BPGM: variants seen among roughly 807,000 people sequenced by gnomAD.
BPGM encodes the protein 2,3-bisphosphoglycerate mutase, erythrocyte.
In BPGM, 15 loss-of-function variants were observed where a neutral mutation model predicts 21.6. The observed-to-expected ratio is 0.70, with a 90% CI of 0.47 to 1.07. The LOEUF (loss-of-function observed/expected upper bound fraction) is 1.07, where lower values mean the gene tolerates loss of function less well. Among genes scored for constraint, BPGM ranks in the 50% least tolerant of loss-of-function variants. BPGM has a pLI of 0.00. For missense variants in BPGM, 273 were observed against 319.0 expected, an observed-to-expected ratio of 0.86 and a Z score of 1.10; for synonymous variants, 113 against 116.2, an observed-to-expected ratio of 0.97 and a Z score of 0.18.
At chr7:134,658,176 G>C (rs114593394) in intron 1 of BPGM, among the ~76,000 whole-genome samples, 472 of 152,158 alleles carry the variant, frequency 3.1e-3, no homozygotes, top group African/African-American at 0.011. Flanking sequence ...GAGCTAAGTA[G>C]TAGGTACTCC....
intron 2 of BPGM, among the ~76,000 whole-genome samples, chr7:134,676,714 G>A (rs149681434): frequency 6.6e-5 from 10 of 152,278 alleles, no homozygotes; most frequent in African/African-American, 2.4e-4. Flanking sequence ...CTTCCACAGA[G>A]TACTAGGAAT....
intron 2 of BPGM, among the ~76,000 whole-genome samples, chr7:134,670,829 G>A (rs1337496307): frequency 6.6e-6 from 1 of 151,990 alleles, no homozygotes; most frequent in Non-Finnish European, 1.5e-5. Context: ...TAATTCCAAA[G>A]AGTATACACT....
intron 1 of BPGM, among the ~76,000 whole-genome samples, chr7:134,649,314 G>C (rs1309325171): frequency 6.6e-6 from 1 of 152,138 alleles, no homozygotes; most frequent in African/African-American, 2.4e-5. Flanking sequence ...AAAATTTGGA[G>C]CATACCGAAG....
At position 134,663,654 on chromosome 7, in the gene BPGM, G is replaced by T. The variant is rs185776053; in HGVS notation, c.601+1546G>T. 2.3e-4 allele frequency among the ~76,000 whole-genome samples: 35 copies of T among 152,222 alleles called. No homozygotes were observed. The East Asian group carries it at 5.0e-3, about 22-fold the overall frequency. On this transcript the variant is annotated intron_variant, in intron 2 of 2. Coordinates refer to ENST00000344924, the MANE Select transcript of BPGM (RefSeq NM_001724.5). Reference sequence around the variant, plus strand: ...GTGCCAACTCCTTTTTCAGAGCTGGGTCTCAGATTTATTGTGGCCAGGCTC... The same window carrying T: ...GTGCCAACTCCTTTTTCAGAGCTGGTTCTCAGATTTATTGTGGCCAGGCTC...
Position 134,679,279 on chromosome 7 carries a change from G to T in BPGM, c.*248G>T. The T allele has an allele frequency of 2.0e-6, 1 of 503,094 alleles. No individual in the cohort carries two copies. The highest frequency in any genetic ancestry group is 3.6e-6 in the Non-Finnish European group (1 of 279,698). 31.2% of individuals were successfully genotyped at this position (503,094 alleles called of 1,614,324 possible). Reference sequence around the variant, plus strand: ...CGGTCACCAAACTAGTAACTAGTGGGGCTTAATGAAGGTCATAAGTTTCTG... The same window carrying T: ...CGGTCACCAAACTAGTAACTAGTGGTGCTTAATGAAGGTCATAAGTTTCTG... On this transcript the variant is annotated 3_prime_UTR_variant, in exon 3 of 3. Transcript: ENST00000344924.
rs11408520 is a variant in BPGM, at chr7:134,673,903, C to CTT, written c.602-4929_602-4928dup. On this transcript the variant is annotated intron_variant, in intron 2 of 2. Coordinates refer to ENST00000344924, the MANE Select transcript of BPGM (RefSeq NM_001724.5). ...TATTTAACCACTCTGGATCTGTTTC[C>CTT]TTTTTTTTTTTTTTTTTTTTTTAAA... Among the ~76,000 whole-genome samples the CTT allele has an allele frequency of 3.1e-3, 380 of 122,196 alleles. 1 individual carries two copies. The highest frequency in any genetic ancestry group is 8.9e-3 in the Middle Eastern group (2 of 224). The allele number at this position is 122,196 out of a possible 152,430, so 80.2% of individuals were successfully genotyped here.
chr7:134,661,848 T>C lies in BPGM; in HGVS notation c.341T>C (p.Leu114Pro). The C allele has an allele frequency of 6.2e-7, 1 of 1,608,066 alleles. No homozygotes were observed. The highest frequency in any genetic ancestry group is 8.5e-7 in the Non-Finnish European group (1 of 1,176,338). Reference protein sequence around the residue: ...ALNHGEEQVRLWRRSYNVTPP... With the variant: ...ALNHGEEQVRPWRRSYNVTPP... Reference sequence around the variant, plus strand: ...AATCATGGTGAAGAACAAGTGAGGCTCTGGAGAAGAAGCTACAATGTAACC... The same window carrying C: ...AATCATGGTGAAGAACAAGTGAGGCCCTGGAGAAGAAGCTACAATGTAACC... The change falls in exon 2 of 3, where the codon CTC becomes CCC. Residue 114 changes from leucine to proline, a missense_variant. Transcript: ENST00000344924. This position sits in a 1 kb window ranked among gnomAD's most constrained non-coding sequence, Gnocchi z 4.6.
At chr7:134,649,128 A>T (rs1562965783) in intron 1 of BPGM, among the ~76,000 whole-genome samples, 2 of 152,176 alleles carry the variant, frequency 1.3e-5, no homozygotes, top group Non-Finnish European at 2.9e-5. Flanking sequence ...TGTTTCAAAC[A>T]ATCCAATTGT....
chr7:134,653,550 G>T (rs1230834905), intron 1 of BPGM, among the ~76,000 whole-genome samples: 1 of 152,158 alleles, frequency 6.6e-6, no homozygotes, highest in Non-Finnish European at 1.5e-5. Context: ...CTTTGGCACA[G>T]GCTTTTTTTG....
chr7:134,664,864 A>G (rs997855881), intron 2 of BPGM, among the ~76,000 whole-genome samples: 1 of 152,238 alleles, frequency 6.6e-6, no homozygotes, highest in Non-Finnish European at 1.5e-5. Context: ...AGAGGATTTC[A>G]TTTATATGAA....
chr7:134,661,720 G>A lies in BPGM; in HGVS notation c.213G>A (p.Leu71=). 1.2e-6 allele frequency: 2 copies of A among 1,614,132 alleles called. No individual in the cohort carries two copies. The highest frequency in any genetic ancestry group is 1.1e-5 in the South Asian group (1 of 91,084). The change falls in exon 2 of 3, where the codon CTG becomes CTA. Residue 71 remains leucine (L), a synonymous_variant. Coordinates refer to ENST00000344924, the MANE Select transcript of BPGM (RefSeq NM_001724.5). The surrounding 1 kb of genome is among the most constrained non-coding windows in gnomAD (Gnocchi z 4.6). The part of the protein sequence containing the change: ...NRSIHTAWLI[L]EELGQEWVPV... ...CCATTCACACAGCCTGGCTGATCCT[G>A]GAAGAGCTAGGCCAGGAATGGGTGC...
At position 134,662,102 on chromosome 7, in the gene BPGM, C is replaced by T. The variant is rs1201458572; in HGVS notation, c.595C>T (p.Leu199=). The T allele has an allele frequency of 6.2e-7, 1 of 1,614,086 alleles. No individual in the cohort carries two copies. The highest frequency in any genetic ancestry group is 1.3e-5 in the African/African-American group (1 of 75,028). The part of the protein sequence containing the change: ...GNSSRALLKH[L]EGISDEDIIN... The stretch of plus-strand genomic sequence containing the variant: ...TAGCAGTAGGGCACTCCTAAAACAC[C>T]TGGAAGGTACCAGCTTTATATACCA... Residue 199 remains leucine, a synonymous_variant, in exon 2 of 3, where the codon CTG becomes TTG. Transcript: ENST00000344924.
chr7:134,675,756 A>G (rs1585868334), intron 2 of BPGM, among the ~76,000 whole-genome samples: 1 of 152,300 alleles, frequency 6.6e-6, no homozygotes, highest in East Asian at 1.9e-4. Context: ...GTCAATTTAT[A>G]CAAAAAAGTC....
intron 1 of BPGM, among the ~76,000 whole-genome samples, chr7:134,655,907 T>G (rs965539625): frequency 5.3e-5 from 8 of 152,214 alleles, no homozygotes; most frequent in African/African-American, 1.7e-4. Context: ...ACATAGCCAT[T>G]GAACAGGTAA....
chr7:134,655,458 G>C (rs544753094), intron 1 of BPGM, among the ~76,000 whole-genome samples: 1 of 149,182 alleles, frequency 6.7e-6, no homozygotes, highest in Middle Eastern at 3.4e-3. Context: ...TATCTCCAGT[G>C]GGGGGTTGAA....
intron 2 of BPGM, among the ~76,000 whole-genome samples, chr7:134,664,338 T>C (rs6961359): frequency 0.59 from 89,032 of 152,018 alleles, 27,151 homozygotes; most frequent in East Asian, 0.89. Flanking sequence ...TTGCCTTGGC[T>C]AGCTTCGGTG....
intron 1 of BPGM, among the ~76,000 whole-genome samples, chr7:134,659,661 C>T (rs965439910): frequency 7.2e-5 from 11 of 152,134 alleles, no homozygotes; most frequent in Non-Finnish European, 1.6e-4. Context: ...CTTCTGGTTC[C>T]CTGGCACTTC....
intron 2 of BPGM, among the ~76,000 whole-genome samples, chr7:134,671,383 A>ATTTTGTT (rs1795901588): frequency 7.3e-6 from 1 of 136,956 alleles, no homozygotes; most frequent in African/African-American, 2.8e-5. Context: ...TTTTTTTGAG[A>ATTTTGTT]TGGAGTCTCG....
At chr7:134,675,713 C>G (rs1442952807) in intron 2 of BPGM, among the ~76,000 whole-genome samples, 1 of 152,000 alleles carries the variant, frequency 6.6e-6, no homozygotes, top group African/African-American at 2.4e-5. Context: ...TTCTGAGTAC[C>G]TTAGATTTCC....
Sources: allele counts gnomAD v4.1 joint callset (sites outside exome capture counted in the v4.1 genomes callset), GRCh38; gene constraint gnomAD v4.1.1; non-coding constraint Gnocchi (gnomAD v3.1); transcripts MANE v1.5; gene names NCBI Gene and HGNC (gene_info 2026-07-23, HGNC 2026-07-21).